The following DAB1 variants were observed in gnomAD, a reference collection of about 807,000 sequenced individuals.
The protein encoded by DAB1 is disabled homolog 1.
DAB1 carries 15 observed loss-of-function variants against 64.6 expected under a neutral mutation model. That is an observed-to-expected ratio of 0.23 (90% CI 0.16 to 0.36). DAB1 has a LOEUF of 0.36. Ranked by LOEUF, DAB1 falls within the 10% of genes least tolerant of loss-of-function variation. DAB1 has a pLI of 1.00. For synonymous variants in DAB1, 235 were observed against 251.9 expected, an observed-to-expected ratio of 0.93 and a Z score of 0.64; for missense variants, 596 against 706.7, an observed-to-expected ratio of 0.84 and a Z score of 1.78.
rs1343425136 is a variant in DAB1, at chr1:58,525,135, C to T, written n.107+2126G>A. The stretch of plus-strand genomic sequence containing the variant: ...CACACGTTTTGATAAATTTTCATAA[C>T]CGATTTGTGTTTTATGGTAAAAAAT... On this transcript the variant is annotated intron_variant and non_coding_transcript_variant, in intron 2 of 20. Transcript: ENST00000485760. Among the ~76,000 whole-genome samples the T allele has an allele frequency of 2.0e-5, 3 of 152,108 alleles. No homozygotes were observed. The East Asian group carries it at 5.8e-4, about 29-fold the overall frequency.
chr1:57,305,233 G>T (rs1461668731), intron 1 of DAB1, among the ~76,000 whole-genome samples: 1 of 152,194 alleles, frequency 6.6e-6, no homozygotes, highest in Non-Finnish European at 1.5e-5. Flanking sequence ...AAGGCTACCA[G>T]ACCAGGAGGG....
chr1:58,471,142 G>A (rs1423381306), intron 3 of DAB1, among the ~76,000 whole-genome samples: 1 of 152,174 alleles, frequency 6.6e-6, no homozygotes, highest in Admixed American at 6.5e-5. Flanking sequence ...AAAGTTTTGA[G>A]GCAGACAGTG....
intron 6 of DAB1, among the ~76,000 whole-genome samples, chr1:57,775,551 G>GA (rs57659796): frequency 0.025 from 3,683 of 150,030 alleles, 154 homozygotes; most frequent in East Asian, 0.19. Context: ...TCTAGATATT[G>GA]AAAAAAAAAT....
intron 7 of DAB1, among the ~76,000 whole-genome samples, chr1:57,502,835 TA>T (rs757665302): frequency 5.9e-5 from 9 of 152,180 alleles, no homozygotes; most frequent in Non-Finnish European, 1.3e-4. Flanking sequence ...AATTTACCCT[TA>T]AAAGATAGCT....
At position 57,127,463 on chromosome 1, in the gene DAB1, C is replaced by T. The variant is rs568153923; in HGVS notation, c.306+9080G>A. Reference sequence around the variant, plus strand: ...GTGGAAAAATGCCCTGACCTTGCCTCGCTTTTTTCCTTTTCTATAACACTG... The same window carrying T: ...GTGGAAAAATGCCCTGACCTTGCCTTGCTTTTTTCCTTTTCTATAACACTG... On this transcript the variant is annotated intron_variant, in intron 4 of 14. Transcript: ENST00000371236. 1.6e-3 allele frequency among the ~76,000 whole-genome samples: 238 copies of T among 152,310 alleles called. 1 individual carries two copies. Among genetic ancestry groups the T allele is most frequent in the African/African-American group, 5.5e-3 (229 of 41,570 alleles).
At chr1:58,488,951 T>C (rs954869779) in intron 3 of DAB1, among the ~76,000 whole-genome samples, 1 of 152,230 alleles carries the variant, frequency 6.6e-6, no homozygotes, top group Non-Finnish European at 1.5e-5. Flanking sequence ...TACTTGAAAA[T>C]ATATTCCTGC....
At chr1:57,162,080 AC>A (rs1246590436) in intron 2 of DAB1, among the ~76,000 whole-genome samples, 1 of 152,232 alleles carries the variant, frequency 6.6e-6, no homozygotes, top group African/African-American at 2.4e-5. Context: ...GAGGATTCTT[AC>A]TAAAGGCAGT....
At chr1:57,069,315 G>C in intron 8 of DAB1, 45 bp downstream of exon 8, 1 of 1,427,608 alleles carries the variant, frequency 7.0e-7, no homozygotes, top group Non-Finnish European at 9.9e-7. Context: ...ATTTATGCAT[G>C]TACTAGTAGT....
intron 1 of DAB1, among the ~76,000 whole-genome samples, chr1:57,331,619 T>G (rs1676679339): frequency 6.6e-6 from 1 of 152,212 alleles, no homozygotes. Flanking sequence ...GAATCCTGCT[T>G]CCCATTTAGC....
intron 4 of DAB1, among the ~76,000 whole-genome samples, chr1:57,114,649 A>G (rs572582018): frequency 3.9e-5 from 6 of 152,350 alleles, no homozygotes; most frequent in African/African-American, 1.4e-4. Flanking sequence ...TCCAGGGACT[A>G]CATAAGCTCC....
At chr1:57,112,138 A>G (rs1426980577) in intron 4 of DAB1, among the ~76,000 whole-genome samples, 1 of 152,236 alleles carries the variant, frequency 6.6e-6, no homozygotes, top group Admixed American at 6.5e-5. Flanking sequence ...AGAAACAAAC[A>G]TGGAAAGAAA....
intron 1 of DAB1, among the ~76,000 whole-genome samples, chr1:57,313,337 G>T (rs927781972): frequency 2.0e-5 from 3 of 152,176 alleles, no homozygotes; most frequent in Admixed American, 6.5e-5. Flanking sequence ...CCTGAGCACT[G>T]CTTCTTTCAT....
chr1:58,265,153 C>A (rs1661131480), intron 4 of DAB1, among the ~76,000 whole-genome samples: 1 of 152,184 alleles, frequency 6.6e-6, no homozygotes, highest in African/African-American at 2.4e-5. Flanking sequence ...TATTTATAAT[C>A]TTCAAAAGAA....
At chr1:57,644,201 T>C (rs1310261961) in intron 7 of DAB1, among the ~76,000 whole-genome samples, 1 of 152,022 alleles carries the variant, frequency 6.6e-6, no homozygotes, top group Non-Finnish European at 1.5e-5. Flanking sequence ...AGGAGCCTGA[T>C]TTGGAAGTTC....
At chr1:57,707,176 T>G (rs1050559784) in intron 6 of DAB1, among the ~76,000 whole-genome samples, 5 of 152,250 alleles carry the variant, frequency 3.3e-5, no homozygotes, top group African/African-American at 4.8e-5. Flanking sequence ...TACTCCACCT[T>G]ATCTAATTGC....
chr1:57,685,894 G>C (rs1024977477), intron 6 of DAB1, among the ~76,000 whole-genome samples: 4 of 152,226 alleles, frequency 2.6e-5, no homozygotes, highest in African/African-American at 9.6e-5. Flanking sequence ...CAAAATCTCT[G>C]AGATACAGCT....
intron 7 of DAB1, among the ~76,000 whole-genome samples, chr1:57,473,777 G>A (rs1224032421): frequency 6.6e-6 from 1 of 152,078 alleles, no homozygotes; most frequent in African/African-American, 2.4e-5. Context: ...TACCCTTGGG[G>A]GTGTCTGCAT....
intron 9 of DAB1, among the ~76,000 whole-genome samples, chr1:57,042,644 A>G (rs1483629479): frequency 6.6e-6 from 1 of 152,240 alleles, no homozygotes; most frequent in African/African-American, 2.4e-5. Flanking sequence ...AGTGGTCAGC[A>G]CACAGAAGGA....
chr1:57,217,825 T>C (rs375104875), intron 2 of DAB1, among the ~76,000 whole-genome samples: 273 of 152,194 alleles, frequency 1.8e-3, no homozygotes, highest in African/African-American at 6.0e-3. Context: ...TGATCACACC[T>C]ACCAATCCCC....
Sources: allele counts gnomAD v4.1 joint callset (sites outside exome capture counted in the v4.1 genomes callset), GRCh38; gene constraint gnomAD v4.1.1; transcripts MANE v1.5; gene names NCBI Gene and HGNC (gene_info 2026-07-23, HGNC 2026-07-21).